The following RBFOX1 variants were observed in gnomAD, a reference collection of about 807,000 sequenced individuals.
RBFOX1 encodes the protein RNA binding fox-1 homolog 1, also known as RNA binding protein fox-1 homolog 1.
RBFOX1 carries 8 observed loss-of-function variants against 57.7 expected under a neutral mutation model. That is an observed-to-expected ratio of 0.14 (90% confidence interval 0.08 to 0.25). The LOEUF is 0.25. Ranked by LOEUF, RBFOX1 falls within the 10% of genes least tolerant of loss-of-function variation. RBFOX1 has a pLI of 1.00. For missense variants in RBFOX1, 611 were observed against 548.5 expected (o/e 1.11, Z -1.14); for synonymous variants, 326 against 222.4 (o/e 1.47, Z -4.15).
chr16:7,398,403 T>C (rs1314648070), intron 4 of RBFOX1, among the ~76,000 whole-genome samples: 2 of 152,268 alleles, frequency 1.3e-5, no homozygotes, highest in African/African-American at 4.8e-5. Flanking sequence ...ATGTAAGATT[T>C]TGTTAATGTC....
intron 2 of RBFOX1, among the ~76,000 whole-genome samples, chr16:6,442,032 T>A (rs1198429395): frequency 6.6e-6 from 1 of 152,222 alleles, no homozygotes; most frequent in East Asian, 1.9e-4. Flanking sequence ...TCATAGGCTT[T>A]GTTTCCAAGC....
chr16:5,523,291 A>G (rs1945067450), intron 2 of RBFOX1, among the ~76,000 whole-genome samples: 1 of 152,078 alleles, frequency 6.6e-6, no homozygotes, highest in East Asian at 1.9e-4. Context: ...GTTTCAAAAA[A>G]AACAGGAGAG....
At chr16:6,331,699 G>A (rs766962432) in intron 2 of RBFOX1, among the ~76,000 whole-genome samples, 1 of 151,462 alleles carries the variant, frequency 6.6e-6, no homozygotes, top group African/African-American at 2.4e-5. Flanking sequence ...ATTCTCTGGT[G>A]CATCAGAGAG....
At chr16:5,906,827 C>A (rs146794687) in intron 4 of RBFOX1, among the ~76,000 whole-genome samples, 1 of 146,426 alleles carries the variant, frequency 6.8e-6, no homozygotes, top group African/African-American at 2.5e-5. Context: ...CTCCACCTCT[C>A]GGGGTCAAGC....
At chr16:5,898,156 A>T (rs1342334590) in intron 4 of RBFOX1, among the ~76,000 whole-genome samples, 1 of 152,076 alleles carries the variant, frequency 6.6e-6, no homozygotes, top group Non-Finnish European at 1.5e-5. Context: ...AGCAGGAAAA[A>T]TCCTTATAAA....
chr16:5,856,218 T>TACAC (rs1491305956), intron 3 of RBFOX1, among the ~76,000 whole-genome samples: 2 of 17,372 alleles, frequency 1.2e-4, no homozygotes, highest in East Asian at 2.2e-3. Context: ...CATATATATG[T>TACAC]ATATATATAT....
At chr16:6,823,219 C>T (rs1230307663) in intron 3 of RBFOX1, among the ~76,000 whole-genome samples, 1 of 151,794 alleles carries the variant, frequency 6.6e-6, no homozygotes, top group Non-Finnish European at 1.5e-5. Flanking sequence ...ACTTCACTGA[C>T]CTCTTGGCCC....
intron 2 of RBFOX1, among the ~76,000 whole-genome samples, chr16:6,578,895 G>T (rs1335996546): frequency 6.6e-6 from 1 of 152,020 alleles, no homozygotes; most frequent in Non-Finnish European, 1.5e-5. Flanking sequence ...GGGAAAGGGT[G>T]GGAGTGGGGT....
intron 4 of RBFOX1, among the ~76,000 whole-genome samples, chr16:7,316,603 A>G (rs563282911): frequency 1.1e-4 from 17 of 152,312 alleles, no homozygotes; most frequent in Non-Finnish European, 2.5e-4. Context: ...GAGACAGCCC[A>G]TGAGCAAGTG....
intron 2 of RBFOX1, among the ~76,000 whole-genome samples, chr16:6,610,505 C>G (rs2098030244): frequency 6.6e-6 from 1 of 151,936 alleles, no homozygotes; most frequent in Non-Finnish European, 1.5e-5. Context: ...TTTTTTTGTA[C>G]TTTTTGTAGA....
At chr16:5,517,476 T>G (rs768860990) in intron 2 of RBFOX1, among the ~76,000 whole-genome samples, 8 of 152,206 alleles carry the variant, frequency 5.3e-5, no homozygotes, top group Admixed American at 2.0e-4. Context: ...TGGCTCAGTC[T>G]CTGAATGTAC....
chr16:6,467,777 C>A (rs762556351), intron 2 of RBFOX1, among the ~76,000 whole-genome samples: 1 of 152,072 alleles, frequency 6.6e-6, no homozygotes, highest in Non-Finnish European at 1.5e-5. Context: ...CATTAGCTAG[C>A]GGTACTTAAG....
chr16:7,655,323 T>G (rs2066032109), intron 12 of RBFOX1, among the ~76,000 whole-genome samples: 1 of 152,160 alleles, frequency 6.6e-6, no homozygotes. Flanking sequence ...GTGTAGTCAT[T>G]TGAATTGGGT....
At chr16:7,119,906 G>T (rs1236108203) in intron 4 of RBFOX1, among the ~76,000 whole-genome samples, 1 of 152,058 alleles carries the variant, frequency 6.6e-6, no homozygotes, top group African/African-American at 2.4e-5. Flanking sequence ...TGTCCGTTCT[G>T]TTCAAGTCCA....
At chr16:6,315,254 A>T (rs151165593) in intron 1 of RBFOX1, among the ~76,000 whole-genome samples, 239 of 152,346 alleles carry the variant, frequency 1.6e-3, no homozygotes, top group African/African-American at 5.2e-3. Flanking sequence ...GCCAAGGATG[A>T]CTGGAAAGAT....
At chr16:5,495,745 G>A (rs1597297570) in intron 2 of RBFOX1, among the ~76,000 whole-genome samples, 1 of 152,214 alleles carries the variant, frequency 6.6e-6, no homozygotes, top group South Asian at 2.1e-4. Context: ...CCCATATCTG[G>A]TATTAATATG....
At chr16:6,446,578 C>T (rs2094490655) in intron 2 of RBFOX1, among the ~76,000 whole-genome samples, 1 of 152,104 alleles carries the variant, frequency 6.6e-6, no homozygotes, top group Non-Finnish European at 1.5e-5. Context: ...GGGGGCAGTG[C>T]TGGCTAGGAA....
chr16:5,709,103 C>G (rs939537815), intron 3 of RBFOX1, among the ~76,000 whole-genome samples: 1 of 152,154 alleles, frequency 6.6e-6, no homozygotes, highest in South Asian at 2.1e-4. Context: ...CCTAACCTTG[C>G]TAATGTTGAG....
At chr16:6,869,094 G>A (rs943954548) in intron 3 of RBFOX1, among the ~76,000 whole-genome samples, 1 of 152,140 alleles carries the variant, frequency 6.6e-6, no homozygotes, top group Admixed American at 6.5e-5. Flanking sequence ...AACTTCAGGG[G>A]CTGTTTATTA....
Sources: allele counts gnomAD v4.1 joint callset (sites outside exome capture counted in the v4.1 genomes callset), GRCh38; gene constraint gnomAD v4.1.1; transcripts MANE v1.5; gene names NCBI Gene and HGNC (gene_info 2026-07-23, HGNC 2026-07-21).